Variants in URB1 observed in about 807,000 individuals in gnomAD.
The protein encoded by URB1 is URB1 ribosome biogenesis factor.
URB1 carries 197 observed loss-of-function variants against 242.3 expected under a neutral mutation model. The observed-to-expected ratio is 0.81, with a 90% CI of 0.72 to 0.91. The LOEUF is 0.91. URB1 is among the 40% of genes least tolerant of loss of function. URB1 has a pLI of 0.00. For synonymous variants in URB1, 1,153 were observed against 1,201.8 expected (o/e 0.96, Z 0.84); for missense variants, 2,721 against 2,860.5 (o/e 0.95, Z 1.11).
intron 3 of URB1, 27 bp downstream of exon 3, chr21:32,384,286 T>G: frequency 6.5e-7 from 1 of 1,542,516 alleles, no homozygotes; most frequent in South Asian, 1.2e-5. Context: ...AGGCCCATCC[T>G]TTGTCACACC....
At chr21:32,325,194 A>AC in intron 31 of URB1, 35 bp downstream of exon 31, 1 of 1,523,508 alleles carries the variant, frequency 6.6e-7, no homozygotes, top group Non-Finnish European at 8.9e-7. Context: ...CGCCAGGCCC[A>AC]CCCCCACAGT....
chr21:32,368,642 C>A, intron 8 of URB1, 44 bp from the exon 9 acceptor site: 1 of 1,501,268 alleles, frequency 6.7e-7, no homozygotes, highest in South Asian at 1.3e-5. Flanking sequence ...AGAAAATGGT[C>A]AAAGCACCCT....
intron 35 of URB1, among the ~76,000 whole-genome samples, chr21:32,319,823 A>G (rs1490298357): frequency 6.6e-6 from 1 of 152,230 alleles, no homozygotes; most frequent in African/African-American, 2.4e-5. Context: ...TGTTGTTTGC[A>G]GATGTACTTG....
Position 32,333,350 on chromosome 21 carries a change from G to C in URB1, c.4927C>G (p.Leu1643Val). 1 of 1,551,840 alleles carries C rather than the reference G, an allele frequency of 6.4e-7. No homozygotes were observed. The highest frequency in any genetic ancestry group is 8.7e-7 in the Non-Finnish European group (1 of 1,147,016). The change falls in exon 30 of 39, where the codon CTC becomes GTC. Residue 1643 changes from leucine (L) to valine (V), a missense_variant. By Grantham distance (32) the Leu-to-Val change is conservative. Transcript: ENST00000382751. Reference protein sequence around the residue: ...DLDGLYDPCFLLQLFSELTRP... With the variant: ...DLDGLYDPCFVLQLFSELTRP... ...GTCAGCTCACTGAAGAGCTGAAGGAGAAAGCAGGGGTCATAGAGGCCATCA... is the reference window on the plus strand; with the variant it reads ...GTCAGCTCACTGAAGAGCTGAAGGACAAAGCAGGGGTCATAGAGGCCATCA...
intron 38 of URB1, among the ~76,000 whole-genome samples, chr21:32,315,876 C>T (rs2032674496): frequency 6.6e-6 from 1 of 152,148 alleles, no homozygotes; most frequent in Non-Finnish European, 1.5e-5. Context: ...CTCCCCTGGG[C>T]CCCCACATTC....
In URB1 at chr21:32,351,273, C is replaced by T. The variant is rs543176328; in HGVS notation, c.2614-351G>A. Among the ~76,000 whole-genome samples the T allele has an allele frequency of 1.8e-4, 28 of 152,274 alleles. No homozygotes were observed. The South Asian group carries it at 5.6e-3, about 30-fold the overall frequency. On this transcript the variant is annotated intron_variant, in intron 19 of 38. Transcript: ENST00000382751. Reference sequence around the variant, plus strand: ...ATCACTAGAAAGGGGGAAATCAGCCCACAGAGAAGCCCGCTCTGCGAGTGG... The same window carrying T: ...ATCACTAGAAAGGGGGAAATCAGCCTACAGAGAAGCCCGCTCTGCGAGTGG...
chr21:32,314,086 A>C lies in URB1; in HGVS notation c.*832T>G, dbSNP rs183870718. On this transcript the variant is annotated 3_prime_UTR_variant, in exon 39 of 39. Transcript: ENST00000382751. ...TTATTCTTTAAGGATTCAGTGTAAC[A>C]TCCTTTTCTTTAATAAAATAATTAA... The C allele has an allele frequency of 6.0e-4, 98 of 162,882 alleles. No homozygotes were observed. The highest frequency in any genetic ancestry group is 1.1e-3 in the Non-Finnish European group (81 of 74,396). 10.1% of individuals were successfully genotyped at this position (162,882 alleles called of 1,614,324 possible).
At chr21:32,357,693 A>G in intron 14 of URB1, 37 bp from the exon 15 acceptor site, 2 of 1,329,560 alleles carry the variant, frequency 1.5e-6, no homozygotes, top group South Asian at 2.2e-5. Context: ...TTTAGTATAT[A>G]TAATTACATA....
chr21:32,350,432 C>T (rs2033143927), intron 20 of URB1, among the ~76,000 whole-genome samples: 1 of 152,220 alleles, frequency 6.6e-6, no homozygotes, highest in Admixed American at 6.5e-5. Flanking sequence ...AAAACAAAGG[C>T]CCGGCAGGGC....
intron 18 of URB1, 68 bp from the exon 19 acceptor site, chr21:32,352,974 C>T (rs2033175623): frequency 1.4e-6 from 2 of 1,441,436 alleles, no homozygotes; most frequent in Non-Finnish European, 1.8e-6. Context: ...CTACCAACAC[C>T]ACCTTCTTCC....
intron 1 of URB1, among the ~76,000 whole-genome samples, chr21:32,388,290 G>A (rs1020366102): frequency 1.3e-5 from 2 of 152,112 alleles, no homozygotes; most frequent in Non-Finnish European, 2.9e-5. Flanking sequence ...TGTATGAAGC[G>A]TAAAAAGGCT....
intron 8 of URB1, among the ~76,000 whole-genome samples, chr21:32,370,537 C>T (rs2033395247): frequency 6.6e-6 from 1 of 152,198 alleles, no homozygotes; most frequent in Non-Finnish European, 1.5e-5. Context: ...CCAGACACTG[C>T]TCTAAGCAGT....
At position 32,316,882 on chromosome 21, in the gene URB1, G is replaced by A. The variant is rs2032696861; in HGVS notation, c.6218C>T (p.Pro2073Leu). The A allele has an allele frequency of 1.9e-6, 3 of 1,551,494 alleles. No homozygotes were observed. The African/African-American group carries it at 4.1e-5, about 21-fold the overall frequency. Residue 2073 changes from proline to leucine, a missense_variant, in exon 38 of 39, where the codon CCT becomes CTT. Transcript: ENST00000382751. ...LTYWRPVIPG[P>L]DPTQEPVDSA... Reference sequence around the variant, plus strand: ...GTCCACAGGCTCCTGAGTGGGGTCAGGACCAGGGATCACTGGTCTCCAGTA... The same window carrying A: ...GTCCACAGGCTCCTGAGTGGGGTCAAGACCAGGGATCACTGGTCTCCAGTA...
At chr21:32,353,854 G>A in intron 18 of URB1, 79 bp downstream of exon 18, 1 of 1,449,892 alleles carries the variant, frequency 6.9e-7, no homozygotes, top group African/African-American at 1.4e-5. Flanking sequence ...TGATCCCAGA[G>A]CCCCTGGAAT....
Position 32,347,624 on chromosome 21 carries a change from C to A in URB1, c.3200G>T (p.Gly1067Val). Residue 1067 changes from glycine (G) to valine (V), a missense_variant, in exon 22 of 39, where the codon GGG becomes GTG. Coordinates refer to ENST00000382751, the MANE Select transcript of URB1 (RefSeq NM_014825.3). ...AASAPILQNI[G>V]QLGLLARYSE... ...GTACCTGGCCAGAAGGCCCAGCTGC[C>A]CAATGTTCTGGAGGATCGGGGCACT... 1 of 1,551,694 alleles carries A rather than the reference C, an allele frequency of 6.4e-7. No individual in the cohort carries two copies. The highest frequency in any genetic ancestry group is 8.7e-7 in the Non-Finnish European group (1 of 1,147,002).
intron 1 of URB1, among the ~76,000 whole-genome samples, chr21:32,390,242 T>A (rs959743301): frequency 6.6e-6 from 1 of 152,192 alleles, no homozygotes; most frequent in Non-Finnish European, 1.5e-5. Flanking sequence ...GTCATGAGGC[T>A]CTCTGTGCAA....
At chr21:32,344,136 T>C (rs1289388462) in intron 24 of URB1, among the ~76,000 whole-genome samples, 1 of 152,200 alleles carries the variant, frequency 6.6e-6, no homozygotes, top group Non-Finnish European at 1.5e-5. Flanking sequence ...AAATTACAAA[T>C]ATCCCTCATG....
intron 38 of URB1, 34 bp from the exon 39 acceptor site, chr21:32,315,133 C>T: frequency 1.4e-6 from 2 of 1,457,240 alleles, no homozygotes; most frequent in South Asian, 1.4e-5. Context: ...CATTAGGATG[C>T]ACACCTGCTC....
intron 10 of URB1, among the ~76,000 whole-genome samples, chr21:32,364,131 C>T (rs545801006): frequency 6.6e-6 from 1 of 152,284 alleles, no homozygotes; most frequent in South Asian, 2.1e-4. Flanking sequence ...AGGCCTGTGA[C>T]ATCCAGAGCT....
Sources: gnomAD v4.1 joint callset for allele counts (sites outside exome capture counted in the v4.1 genomes callset) on GRCh38, gnomAD v4.1.1 for gene constraint, MANE v1.5 for transcripts, NCBI Gene and HGNC (gene_info 2026-07-23, HGNC 2026-07-21) for gene names.